Variants in MATN2 observed in about 807,000 individuals in gnomAD.
MATN2 encodes the protein matrilin 2, also known as matrilin-2.
In MATN2, 69 loss-of-function variants were observed where a neutral mutation model predicts 103.2. The observed-to-expected ratio is 0.67, with a 90% confidence interval of 0.55 to 0.82. The LOEUF (loss-of-function observed/expected upper bound fraction) is 0.82, where lower values mean the gene tolerates loss of function less well. Ranked by LOEUF, MATN2 falls within the 40% of genes least tolerant of loss-of-function variation. MATN2 has a pLI of 0.00. For synonymous variants in MATN2, 429 were observed against 450.2 expected (o/e 0.95, Z 0.60); for missense variants, 1,023 against 1,211.5 (o/e 0.84, Z 2.31).
At chr8:97,961,720 G>A (rs1429175327) in intron 5 of MATN2, among the ~76,000 whole-genome samples, 190 bp downstream of exon 5, 2 of 152,274 alleles carry the variant, frequency 1.3e-5, no homozygotes, top group Admixed American at 6.5e-5. Context: ...TGAGGTCAGC[G>A]TTTTCTTATT....
chr8:97,878,071 G>GAA (rs1186199433), intron 1 of MATN2, among the ~76,000 whole-genome samples: 1 of 150,846 alleles, frequency 6.6e-6, no homozygotes, highest in East Asian at 1.9e-4. Flanking sequence ...TTGTTTTATG[G>GAA]AAAAAAAAAG....
At chr8:97,952,776 A>G (rs1017138372) in intron 4 of MATN2, among the ~76,000 whole-genome samples, 3 of 152,128 alleles carry the variant, frequency 2.0e-5, no homozygotes, top group East Asian at 1.9e-4. Context: ...GTGTATCTCA[A>G]ATTTGGCCAG....
intron 4 of MATN2, among the ~76,000 whole-genome samples, chr8:97,958,833 C>T (rs898305526): frequency 3.9e-5 from 6 of 152,158 alleles, no homozygotes; most frequent in Admixed American, 3.3e-4. Flanking sequence ...TGGAGTTCAG[C>T]CTATGCAGCC....
intron 2 of MATN2, among the ~76,000 whole-genome samples, chr8:97,907,376 A>G (rs981648045): frequency 6.7e-6 from 1 of 148,350 alleles, no homozygotes; most frequent in Admixed American, 6.8e-5. Flanking sequence ...CAGTGGCGCA[A>G]TCTTGGCTCA....
At chr8:97,970,371 G>A (rs888207450) in intron 5 of MATN2, among the ~76,000 whole-genome samples, 1 of 151,846 alleles carries the variant, frequency 6.6e-6, no homozygotes, top group Non-Finnish European at 1.5e-5. Flanking sequence ...AATCAGGTCC[G>A]ATGTCTCAGC....
At chr8:97,978,778 G>A in intron 5 of MATN2, 108 bp from the exon 6 acceptor site, 3 of 1,053,752 alleles carry the variant, frequency 2.8e-6, no homozygotes, top group South Asian at 1.4e-5. Context: ...CTTTTGGGGG[G>A]CAATAATATT....
chr8:97,937,972 G>C (rs1158920754), intron 3 of MATN2, among the ~76,000 whole-genome samples: 1 of 152,098 alleles, frequency 6.6e-6, no homozygotes, highest in South Asian at 2.1e-4. Context: ...GAGCCTTCAG[G>C]TGGTCTATTT....
rs535578650 is a variant in MATN2, at chr8:97,892,479, G to T, written c.142+4237G>T. Among the ~76,000 whole-genome samples the T allele has an allele frequency of 1.6e-3, 241 of 150,814 alleles. 1 individual carries two copies. The highest frequency in any genetic ancestry group is 5.1e-3 in the African/African-American group (211 of 40,974). On this transcript the variant is annotated intron_variant, in intron 2 of 18. Coordinates refer to ENST00000254898, the MANE Select transcript of MATN2 (RefSeq NM_002380.5). ...TTTACAGTTTTGCAAATCTTGTAAC[G>T]GTCTGGCTTCGTAGAAGACAGCTAG...
At chr8:97,918,181 G>A (rs775789447) in intron 2 of MATN2, among the ~76,000 whole-genome samples, 15 of 152,178 alleles carry the variant, frequency 9.9e-5, no homozygotes, top group Non-Finnish European at 1.9e-4. Context: ...CTGGAGTTAG[G>A]CTGTTCTGGT....
At chr8:97,980,383 T>C (rs982114559) in intron 6 of MATN2, among the ~76,000 whole-genome samples, 3 of 152,178 alleles carry the variant, frequency 2.0e-5, no homozygotes, top group Admixed American at 2.0e-4. Context: ...GTTGGGCTGA[T>C]GAGTCAGTGT....
intron 1 of MATN2, among the ~76,000 whole-genome samples, chr8:97,870,196 G>A (rs1817845174): frequency 6.6e-6 from 1 of 152,126 alleles, no homozygotes; most frequent in Non-Finnish European, 1.5e-5. Context: ...TAATGAGGAT[G>A]GTAATACCCA....
In MATN2 at chr8:97,989,468, C is replaced by CAA. The variant is rs34047188; in HGVS notation, c.1082-4998_1082-4997dup. On this transcript the variant is annotated intron_variant, in intron 6 of 18. Coordinates refer to ENST00000254898, the MANE Select transcript of MATN2 (RefSeq NM_002380.5). ...TGGGCAACAGAGCAAGACTCCATCT[C>CAA]AAAAAAAAAAAAAAACGGAATGAAG... Among the ~76,000 whole-genome samples the CAA allele has an allele frequency of 5.6e-3, 733 of 129,752 alleles. 2 individuals are homozygous for CAA. Among genetic ancestry groups the CAA allele is most frequent in the Non-Finnish European group, 8.3e-3 (512 of 61,678 alleles). 85.1% of individuals were successfully genotyped at this position (129,752 alleles called of 152,430 possible).
At chr8:98,004,705 A>G (rs993263723) in intron 8 of MATN2, among the ~76,000 whole-genome samples, 2 of 152,234 alleles carry the variant, frequency 1.3e-5, no homozygotes, top group Admixed American at 6.5e-5. Flanking sequence ...TTGGAAAGCA[A>G]TGGGCTGCAG....
intron 2 of MATN2, among the ~76,000 whole-genome samples, chr8:97,922,276 C>T (rs920236202): frequency 1.3e-5 from 2 of 152,176 alleles, no homozygotes; most frequent in Non-Finnish European, 1.5e-5. Flanking sequence ...AGAAATATCT[C>T]TTACAATCTT....
At chr8:97,993,297 A>G (rs1812460167) in intron 6 of MATN2, among the ~76,000 whole-genome samples, 1 of 152,196 alleles carries the variant, frequency 6.6e-6, no homozygotes, top group Non-Finnish European at 1.5e-5. Flanking sequence ...AAGATTATTT[A>G]TGCAGTTCAA....
intron 12 of MATN2, 124 bp from the exon 13 acceptor site, chr8:98,021,078 AAGG>A (rs1298003442): frequency 3.5e-6 from 3 of 846,440 alleles, no homozygotes; most frequent in South Asian, 1.8e-5. Context: ...AGACATTATG[AAGG>A]AGGTTTGAAG....
chr8:98,016,088 ATTG>A (rs1385835754), intron 10 of MATN2, among the ~76,000 whole-genome samples: 1 of 151,982 alleles, frequency 6.6e-6, no homozygotes, highest in Non-Finnish European at 1.5e-5. Flanking sequence ...GATGATTTAT[ATTG>A]TTTGATTTTT....
chr8:97,870,885 C>T (rs966782912), intron 1 of MATN2, among the ~76,000 whole-genome samples: 3 of 152,224 alleles, frequency 2.0e-5, no homozygotes, highest in Non-Finnish European at 4.4e-5. Context: ...GAATGAGATA[C>T]TTATGGCTCT....
At chr8:97,911,945 A>G (rs1437637184) in intron 2 of MATN2, among the ~76,000 whole-genome samples, 2 of 152,190 alleles carry the variant, frequency 1.3e-5, no homozygotes, top group Non-Finnish European at 2.9e-5. Flanking sequence ...TGCTCATTTT[A>G]TCCTCATGAC....
Sources: gnomAD v4.1 joint callset for allele counts (sites outside exome capture counted in the v4.1 genomes callset) on GRCh38, gnomAD v4.1.1 for gene constraint, MANE v1.5 for transcripts, NCBI Gene and HGNC (gene_info 2026-07-23, HGNC 2026-07-21) for gene names.